The following CHEK1 variants were observed in gnomAD, a reference collection of about 807,000 sequenced individuals.
The protein encoded by CHEK1 is serine/threonine-protein kinase Chk1.
A neutral mutation model predicts 60.2 loss-of-function variants in CHEK1; 32 were observed. The observed-to-expected ratio is 0.53, with a 90% CI of 0.40 to 0.71. The LOEUF is 0.71. CHEK1 is among the 30% of genes least tolerant of loss of function. The pLI is 0.00. For synonymous variants in CHEK1, 179 were observed against 187.2 expected (o/e 0.96, Z 0.36); for missense variants, 399 against 564.6 (o/e 0.71, Z 2.97).
At chr11:125,648,765 G>A (rs1941602058) in intron 11 of CHEK1, among the ~76,000 whole-genome samples, 1 of 151,860 alleles carries the variant, frequency 6.6e-6, no homozygotes, top group Admixed American at 6.6e-5. Context: ...TAAGTTTCGA[G>A]TCTTTCAGCA....
chr11:125,637,622 C>A lies in CHEK1; in HGVS notation c.814+78C>A, dbSNP rs563980220. 2,182 of 918,564 alleles carry A rather than the reference C, an allele frequency of 2.4e-3. 6 individuals are homozygous for A. Among genetic ancestry groups the A allele is most frequent in the Middle Eastern group, 4.6e-3 (15 of 3,236 alleles). 56.9% of individuals were successfully genotyped at this position (918,564 alleles called of 1,614,324 possible). A position where few individuals can be genotyped will look rare whatever the true frequency, so the allele number is the denominator to read the frequency against. ...TTGCAAAGTTATTATCACAAGTCAA[C>A]AACACATGATAGCTATGATCTCTGT... On this transcript the variant is annotated intron_variant, in intron 8 of 12. Transcript: ENST00000438015.
intron 3 of CHEK1, among the ~76,000 whole-genome samples, chr11:125,628,435 T>C (rs1017992523): frequency 8.5e-5 from 13 of 152,212 alleles, no homozygotes. Flanking sequence ...TAAATAAGTT[T>C]ATCAGTTAAA....
chr11:125,626,275 C>T, intron 1 of CHEK1: 1 of 512,182 alleles, frequency 2.0e-6, no homozygotes, highest in Non-Finnish European at 3.5e-6. Flanking sequence ...CCTCTGGGGG[C>T]AGTTTGGCCC....
intron 13 of CHEK1, among the ~76,000 whole-genome samples, chr11:125,670,402 T>C (rs1398289998): frequency 6.6e-6 from 1 of 152,214 alleles, no homozygotes; most frequent in East Asian, 1.9e-4. Context: ...TGTGTAATAA[T>C]TTTTTATTAC....
At chr11:125,638,140 G>A (rs1461385590) in intron 8 of CHEK1, among the ~76,000 whole-genome samples, 4 of 152,114 alleles carry the variant, frequency 2.6e-5, no homozygotes, top group Non-Finnish European at 5.9e-5. Context: ...AAGGATTTTG[G>A]GCTTTAACTT....
At chr11:125,633,482 A>G in intron 6 of CHEK1, 131 bp downstream of exon 6, 2 of 758,740 alleles carry the variant, frequency 2.6e-6, no homozygotes, top group Non-Finnish European at 3.8e-6. Flanking sequence ...ACAGGGTCTC[A>G]CTCTTGGCCA....
At chr11:125,644,304 T>C (rs752690716) in intron 10 of CHEK1, 36 bp downstream of exon 10, 1 of 1,569,228 alleles carries the variant, frequency 6.4e-7, no homozygotes. Flanking sequence ...TAATGGCAGC[T>C]CTTTATTTTT....
downstream of CHEK1, among the ~76,000 whole-genome samples, chr11:125,657,313 A>T (rs1261158951): frequency 1.3e-5 from 2 of 151,718 alleles, no homozygotes; most frequent in East Asian, 3.9e-4. Context: ...GGTTGTTGAG[A>T]TAAGCATAAT....
chr11:125,635,137 T>A (rs902286189), intron 6 of CHEK1, among the ~76,000 whole-genome samples: 3 of 152,066 alleles, frequency 2.0e-5, no homozygotes, highest in Non-Finnish European at 4.4e-5. Flanking sequence ...TTATTTATTT[T>A]TTGTAGAGAT....
In CHEK1 at chr11:125,635,505, TTGGA is replaced by T; in HGVS notation, c.691_694del (p.Trp231LysfsTer8). ...AAGAAAAAAAAACATACCTCAACCC[TTGGA>T]AAAAAATCGATTCTGCTCCTCTAGG... On this transcript the variant is annotated frameshift_variant, in exon 7 of 13. Coordinates refer to ENST00000438015, the MANE Select transcript of CHEK1 (RefSeq NM_001114122.3). LOFTEE classifies it high-confidence loss of function. 1 of 1,606,236 alleles carries T rather than the reference TTGGA, an allele frequency of 6.2e-7. No homozygotes were observed. Among genetic ancestry groups the T allele is most frequent in the Non-Finnish European group, 8.5e-7 (1 of 1,176,782 alleles).
chr11:125,644,459 T>C, intron 10 of CHEK1, 53 bp from the exon 11 acceptor site: 1 of 1,582,048 alleles, frequency 6.3e-7, no homozygotes, highest in Non-Finnish European at 8.6e-7. Context: ...GCTATGATAT[T>C]ACTGTCTTTA....
chr11:125,650,454 G>GTT (rs1294343202), intron 11 of CHEK1, among the ~76,000 whole-genome samples: 3 of 120,474 alleles, frequency 2.5e-5, no homozygotes, highest in African/African-American at 3.4e-5. Context: ...TTTTAGTGGT[G>GTT]TTTGTTTTTT....
downstream of CHEK1, chr11:125,676,600 C>G (rs922972881): frequency 1.6e-6 from 2 of 1,252,496 alleles, no homozygotes; most frequent in East Asian, 4.7e-5. Flanking sequence ...TTTCTTAGTT[C>G]TTTTTGGGGA....
chr11:125,649,909 G>A (rs558763306), intron 11 of CHEK1: 5 of 152,172 alleles, frequency 3.3e-5, no homozygotes, highest in Admixed American at 3.3e-4. Flanking sequence ...CTGCCTTCTA[G>A]CCTTTGTGGT....
rs368957964 is a variant in CHEK1 at position 125,629,399 on chromosome 11, G to A, written c.363G>A (p.Leu121=). The A allele has an allele frequency of 2.2e-5, 36 of 1,613,600 alleles. No homozygotes were observed. Among genetic ancestry groups the A allele is most frequent in the Non-Finnish European group, 2.8e-5 (33 of 1,179,792 alleles). Residue 121 remains leucine, a synonymous_variant, in exon 5 of 13, where the codon CTG becomes CTA. Transcript: ENST00000438015. ...FHQLMAGVVY[L]HGIGITHRDI... ...CTCTGCATCCCTCTTAGGTTTATCT[G>A]CATGGTATTGGAATAACTCACAGGG...
In CHEK1 at chr11:125,672,645, G is replaced by A. The variant is rs762059902; in HGVS notation, c.*28-3283G>A. 3.1e-6 allele frequency: 5 copies of A among 1,614,034 alleles called. No individual in the cohort carries two copies. The South Asian group carries it at 3.3e-5, about 11-fold the overall frequency. On this transcript the variant is annotated intron_variant, in intron 13 of 13. Coordinates refer to the CHEK1 transcript ENST00000428830. ...TCGACAGCATATAATTTGCATCCTC[G>A]TTCCATGGGAGAAGAGGTTCATAGA...
downstream of CHEK1, chr11:125,680,983 C>G: frequency 1.9e-6 from 1 of 522,116 alleles, no homozygotes; most frequent in East Asian, 3.2e-5. Flanking sequence ...CCTTAGCAAC[C>G]CACTGCTTAT....
chr11:125,648,474 CG>C (rs1419907879), intron 11 of CHEK1, among the ~76,000 whole-genome samples: 1 of 151,554 alleles, frequency 6.6e-6, no homozygotes, highest in Non-Finnish European at 1.5e-5. Context: ...CCCAGCTACT[CG>C]GGAGGCTGAG....
At chr11:125,659,710 G>C (rs528066192), downstream of CHEK1, among the ~76,000 whole-genome samples, 1 of 152,156 alleles carries the variant, frequency 6.6e-6, no homozygotes, top group African/African-American at 2.4e-5. Flanking sequence ...TATTCACATA[G>C]CTTAAAATTC....
Sources: allele counts gnomAD v4.1 joint callset (sites outside exome capture counted in the v4.1 genomes callset), GRCh38; gene constraint gnomAD v4.1.1; transcripts MANE v1.5; gene names NCBI Gene and HGNC (gene_info 2026-07-23, HGNC 2026-07-21).